HIF3A: variants seen among roughly 807,000 people sequenced by gnomAD.
HIF3A encodes the protein hypoxia-inducible factor 3-alpha.
Under a neutral mutation model 67.2 loss-of-function variants are expected in HIF3A, and 41 were observed. That is an observed-to-expected ratio of 0.61 (90% CI 0.48 to 0.79). The LOEUF is 0.79. HIF3A is among the 30% of genes least tolerant of loss of function. The pLI is 0.00. For missense variants in HIF3A, 855 were observed against 898.0 expected (o/e 0.95, Z 0.61); for synonymous variants, 356 against 374.8 (o/e 0.95, Z 0.58).
intron 10 of HIF3A, among the ~76,000 whole-genome samples, chr19:46,325,166 T>G (rs999434095): frequency 5.3e-5 from 8 of 151,428 alleles, no homozygotes; most frequent in Non-Finnish European, 1.0e-4. Context: ...CCAGCTAATT[T>G]TTGTACTTTT....
intron 6 of HIF3A, among the ~76,000 whole-genome samples, chr19:46,310,184 C>T (rs566868621): frequency 2.4e-4 from 36 of 152,240 alleles, no homozygotes; most frequent in Admixed American, 2.0e-3. Flanking sequence ...GAGATTGCAC[C>T]ATTGCACTCC....
rs1015027914 is a variant in HIF3A at position 46,334,431 on chromosome 19, A to G, written c.1831-474A>G. Reference sequence around the variant, plus strand: ...AATTTTTTTGTAGAGATAGGGTCTCATTATGTTGCCCAGGCTGATCTCAAA... The same window carrying G: ...AATTTTTTTGTAGAGATAGGGTCTCGTTATGTTGCCCAGGCTGATCTCAAA... On this transcript the variant is annotated intron_variant, in intron 13 of 14. Transcript: ENST00000377670. Among the ~76,000 whole-genome samples the G allele has an allele frequency of 2.0e-5, 3 of 152,258 alleles. No individual in the cohort carries two copies. The South Asian group carries it at 6.2e-4, about 32-fold the overall frequency.
intron 8 of HIF3A, among the ~76,000 whole-genome samples, chr19:46,318,548 CAAA>C (rs908312286): frequency 5.5e-4 from 30 of 54,090 alleles, no homozygotes; most frequent in African/African-American, 2.0e-3. Flanking sequence ...GATCCTGTCT[CAAA>C]AAAAAAAAAA....
At chr19:46,298,115 T>C (rs1968001447) in intron 1 of HIF3A, among the ~76,000 whole-genome samples, 1 of 151,964 alleles carries the variant, frequency 6.6e-6, no homozygotes, top group African/African-American at 2.4e-5. Flanking sequence ...GCTTTCCCTG[T>C]CCAATGTGAG....
chr19:46,301,453 C>T (rs1377568700), intron 1 of HIF3A, among the ~76,000 whole-genome samples: 1 of 152,152 alleles, frequency 6.6e-6, no homozygotes, highest in Non-Finnish European at 1.5e-5. Flanking sequence ...CCAGCTCAGC[C>T]AGTTGTTGGC....
intron 13 of HIF3A, among the ~76,000 whole-genome samples, chr19:46,332,115 C>T (rs539740009): frequency 1.9e-4 from 29 of 152,262 alleles, no homozygotes; most frequent in African/African-American, 7.0e-4. Context: ...TACGTCACCA[C>T]GTGGAGCCTC....
intron 1 of HIF3A, among the ~76,000 whole-genome samples, chr19:46,302,596 A>T (rs1968438961): frequency 6.6e-6 from 1 of 152,184 alleles, no homozygotes; most frequent in African/African-American, 2.4e-5. Context: ...GAAAGAGGCC[A>T]GGCGTGGTGG....
intron 14 of HIF3A, among the ~76,000 whole-genome samples, chr19:46,335,338 C>T (rs920825646): frequency 3.3e-5 from 5 of 151,720 alleles, no homozygotes; most frequent in African/African-American, 4.8e-5. Context: ...GGCATGATCT[C>T]GGCTCACTGC....
rs751324037 is a variant in HIF3A, at chr19:46,309,229, C to T, written c.640C>T (p.Pro214Ser). 1.2e-5 allele frequency: 20 copies of T among 1,613,876 alleles called. No individual in the cohort carries two copies. Among genetic ancestry groups the T allele is most frequent in the East Asian group, 2.2e-5 (1 of 44,876 alleles). ...TCCAGCTGGGAGCCCTGACTCAGAG[C>T]CCCCGCTGCAGTGCCTGGTGCTCAT... ...TSPAGSPDSE[P>S]PLQCLVLICE... The change falls in exon 6 of 15, where the codon CCC becomes TCC. Residue 214 changes from proline (P) to serine (S), a missense_variant. Coordinates refer to ENST00000377670, the MANE Select transcript of HIF3A (RefSeq NM_152795.4).
At chr19:46,322,079 T>A in intron 10 of HIF3A, 113 bp downstream of exon 10, 1 of 1,075,740 alleles carries the variant, frequency 9.3e-7, no homozygotes, top group Non-Finnish European at 1.3e-6. Flanking sequence ...TCCATCTGTG[T>A]AGTGGGGAGG....
At chr19:46,310,359 C>T (rs954363635) in intron 6 of HIF3A, among the ~76,000 whole-genome samples, 4 of 152,174 alleles carry the variant, frequency 2.6e-5, no homozygotes, top group African/African-American at 7.2e-5. Context: ...TGCACCATTG[C>T]ACTCCAGCCT....
At position 46,308,763 on chromosome 19, in the gene HIF3A, G is replaced by A. The variant is rs373823351; in HGVS notation, c.549G>A (p.Ala183=). ...TSRGRTLNLK[A]ATWKVLNCSG... is the part of the protein sequence containing the mutation. ...GCGGGCGCACCCTCAACCTCAAGGC[G>A]GCCACCTGGAAGGTGCGTGGGGCCG... Residue 183 remains alanine, a synonymous_variant, in exon 5 of 15, where the codon GCG becomes GCA. Transcript: ENST00000377670. The A allele has an allele frequency of 4.2e-5, 67 of 1,605,496 alleles. No individual in the cohort carries two copies. Among genetic ancestry groups the A allele is most frequent in the East Asian group, 2.0e-4 (9 of 44,604 alleles).
intron 3 of HIF3A, among the ~76,000 whole-genome samples, chr19:46,305,623 C>T (rs1208960661): frequency 6.6e-6 from 1 of 152,102 alleles, no homozygotes; most frequent in African/African-American, 2.4e-5. Context: ...GAATGGAGGG[C>T]TTCCTGGAGG....
intron 3 of HIF3A, among the ~76,000 whole-genome samples, chr19:46,307,979 C>CAGAT (rs947867105): frequency 1.8e-5 from 1 of 57,020 alleles, no homozygotes; most frequent in African/African-American, 4.0e-5. Flanking sequence ...GACAGACAGA[C>CAGAT]AGACAGACAG....
At chr19:46,302,756 C>T (rs1263838063) in intron 1 of HIF3A, among the ~76,000 whole-genome samples, 2 of 152,108 alleles carry the variant, frequency 1.3e-5, no homozygotes, top group Non-Finnish European at 2.9e-5. Flanking sequence ...CACCTGTGGT[C>T]CCAGCTACAT....
chr19:46,305,058 T>G, intron 2 of HIF3A, 187 bp from the exon 3 acceptor site: 1 of 794,636 alleles, frequency 1.3e-6, no homozygotes. Flanking sequence ...TGCTTCTAAT[T>G]CCAGTGCTTC....
chr19:46,321,413 G>A (rs968713685), intron 9 of HIF3A, among the ~76,000 whole-genome samples: 2 of 152,114 alleles, frequency 1.3e-5, no homozygotes, highest in African/African-American at 4.8e-5. Flanking sequence ...GTGAAACCCT[G>A]TCTCTATAAA....
intron 8 of HIF3A, chr19:46,313,492 C>CA (rs756926994): frequency 0.013 from 1,649 of 130,108 alleles, 54 homozygotes; most frequent in East Asian, 0.081. Flanking sequence ...GAAAACAGAC[C>CA]AAAAAAAAAA....
chr19:46,311,623 G>A (rs1223432905), intron 6 of HIF3A, among the ~76,000 whole-genome samples: 1 of 152,060 alleles, frequency 6.6e-6, no homozygotes, highest in East Asian at 1.9e-4. Context: ...TCAGCACTTC[G>A]GGAGGCTAAA....
Sources: allele counts gnomAD v4.1 joint callset (sites outside exome capture counted in the v4.1 genomes callset), GRCh38; gene constraint gnomAD v4.1.1; transcripts MANE v1.5; gene names NCBI Gene and HGNC (gene_info 2026-07-23, HGNC 2026-07-21).